Variants in TNRC6B observed in about 807,000 individuals in gnomAD.
TNRC6B encodes the protein trinucleotide repeat containing adaptor 6B, also known as trinucleotide repeat-containing gene 6B protein.
In TNRC6B, 52 loss-of-function variants were observed where a neutral mutation model predicts 203.6. The observed-to-expected ratio is 0.26, with a 90% CI of 0.20 to 0.32. The LOEUF is 0.32. Ranked by LOEUF, TNRC6B falls within the 10% of genes least tolerant of loss-of-function variation. The pLI, the probability that TNRC6B is intolerant of heterozygous loss-of-function variation, is 1.00. For synonymous variants in TNRC6B, 838 were observed against 845.7 expected, an observed-to-expected ratio of 0.99 and a Z score of 0.16; for missense variants, 1,923 against 2,286.2, an observed-to-expected ratio of 0.84 and a Z score of 3.24.
intron 3 of TNRC6B, among the ~76,000 whole-genome samples, chr22:40,260,677 G>A (rs1172535715): frequency 6.6e-6 from 1 of 152,192 alleles, no homozygotes; most frequent in African/African-American, 2.4e-5. Context: ...CTTGGACTGA[G>A]GCTTGAAACC....
chr22:40,239,350 T>C (rs1459449452), intron 1 of TNRC6B, among the ~76,000 whole-genome samples: 2 of 152,208 alleles, frequency 1.3e-5, no homozygotes, highest in African/African-American at 4.8e-5. Context: ...AAAGCAGCCA[T>C]GCCGCAGAAA....
At chr22:40,181,926 A>G (rs1182993151) in intron 1 of TNRC6B, among the ~76,000 whole-genome samples, 1 of 145,542 alleles carries the variant, frequency 6.9e-6, no homozygotes, top group Non-Finnish European at 1.5e-5. Context: ...AGCCTAGGAA[A>G]CAGCTAGACC....
At chr22:40,120,899 G>A (rs2068438121) in intron 2 of TNRC6B, among the ~76,000 whole-genome samples, 1 of 152,140 alleles carries the variant, frequency 6.6e-6, no homozygotes, top group Non-Finnish European at 1.5e-5. Flanking sequence ...CTTCTCGCCT[G>A]CCTCCTAGCC....
intron 3 of TNRC6B, among the ~76,000 whole-genome samples, chr22:40,257,135 ACTT>A: frequency 6.6e-6 from 1 of 152,222 alleles, no homozygotes. Flanking sequence ...TTTAACTACT[ACTT>A]TAAAAACATT....
chr22:40,278,802 T>G (rs1046661379), intron 9 of TNRC6B, among the ~76,000 whole-genome samples: 5 of 152,214 alleles, frequency 3.3e-5, no homozygotes, highest in East Asian at 1.9e-4. Context: ...TGCAGCAGCT[T>G]GATCTCTGCT....
intron 1 of TNRC6B, among the ~76,000 whole-genome samples, chr22:40,218,326 T>TTTC (rs2069663854): frequency 7.5e-6 from 1 of 132,948 alleles, no homozygotes; most frequent in East Asian, 2.2e-4. Flanking sequence ...TTTCTTTTCT[T>TTTC]TTTTTTTTTT....
chr22:40,254,487 T>G (rs967535045), intron 3 of TNRC6B, among the ~76,000 whole-genome samples: 2 of 152,134 alleles, frequency 1.3e-5, no homozygotes, highest in African/African-American at 4.8e-5. Flanking sequence ...GCCACTGTAC[T>G]CCAGCCTGGG....
intron 12 of TNRC6B, among the ~76,000 whole-genome samples, chr22:40,286,052 A>G (rs552578554): frequency 7.2e-4 from 109 of 152,352 alleles, no homozygotes; most frequent in African/African-American, 2.5e-3. Context: ...TTATTATTCT[A>G]TTCCTTTTAG....
intron 1 of TNRC6B, among the ~76,000 whole-genome samples, chr22:40,189,064 A>C (rs1433823595): frequency 6.6e-6 from 1 of 152,128 alleles, no homozygotes; most frequent in Non-Finnish European, 1.5e-5. Flanking sequence ...CTCAGTTATC[A>C]TATCAACCAG....
At chr22:40,160,547 C>T (rs2146357466) in intron 4 of TNRC6B, among the ~76,000 whole-genome samples, 1 of 150,562 alleles carries the variant, frequency 6.6e-6, no homozygotes, top group South Asian at 2.1e-4. Flanking sequence ...TTTTATTAAA[C>T]ATTCTTATTC....
intron 6 of TNRC6B, among the ~76,000 whole-genome samples, chr22:40,271,239 T>TA (rs1458422707): frequency 6.6e-6 from 1 of 152,262 alleles, no homozygotes; most frequent in Non-Finnish European, 1.5e-5. Context: ...TGTTTACACT[T>TA]ACTTTTGTAA....
chr22:40,240,293 TTTGCAC>T (rs1287078955), intron 1 of TNRC6B, among the ~76,000 whole-genome samples: 2 of 152,222 alleles, frequency 1.3e-5, no homozygotes, highest in African/African-American at 2.4e-5. Context: ...GATTATGGTG[TTTGCAC>T]TTGCTTTATC....
intron 4 of TNRC6B, among the ~76,000 whole-genome samples, chr22:40,158,864 C>G (rs9623142): frequency 0.045 from 6,790 of 152,180 alleles, 487 homozygotes; most frequent in African/African-American, 0.16. Context: ...AAAATATTTA[C>G]AAAACAAATT....
rs2071464851 is a variant in TNRC6B at position 40,331,470 on chromosome 22, G to A, written c.*8229G>A. 2.8e-6 allele frequency: 1 copy of A among 358,818 alleles called. No individual in the cohort carries two copies. 22.2% of individuals were successfully genotyped at this position (358,818 alleles called of 1,614,324 possible). On this transcript the variant is annotated 3_prime_UTR_variant, in exon 23 of 23. Coordinates refer to ENST00000454349, the MANE Select transcript of TNRC6B (RefSeq NM_001162501.2). ...AGGGCCATTTCCATGATTCCTCAGA[G>A]CTCCCCCAAAGAGGAGAACAGTCCC...
chr22:40,241,595 G>A (rs964003976), intron 1 of TNRC6B, among the ~76,000 whole-genome samples: 4 of 152,312 alleles, frequency 2.6e-5, no homozygotes, highest in East Asian at 1.9e-4. Context: ...TAGAATCAAT[G>A]CTGTGTTCTT....
At chr22:40,279,557 A>G (rs11089985) in intron 9 of TNRC6B, among the ~76,000 whole-genome samples, 47,678 of 152,062 alleles carry the variant, frequency 0.31, 8,230 homozygotes, top group South Asian at 0.46. Context: ...CCTTGTAACT[A>G]TGTTTCACCC....
intron 2 of TNRC6B, among the ~76,000 whole-genome samples, chr22:40,124,730 T>C (rs1773419655): frequency 6.6e-6 from 1 of 151,956 alleles, no homozygotes; most frequent in South Asian, 2.1e-4. Context: ...TATTCCTCAA[T>C]AGGGCCAGGA....
chr22:40,127,181 A>T (rs1038302433), intron 3 of TNRC6B, among the ~76,000 whole-genome samples: 1 of 152,158 alleles, frequency 6.6e-6, no homozygotes, highest in South Asian at 2.1e-4. Context: ...CTCTCTGTCC[A>T]TTCAGAATTG....
rs530606238 is a variant in TNRC6B at position 40,204,088 on chromosome 22, CAG to C, written c.5+25951_5+25952del. Among the ~76,000 whole-genome samples the C allele has an allele frequency of 1.4e-3, 220 of 152,308 alleles. 2 individuals are homozygous for C. Among genetic ancestry groups the C allele is most frequent in the East Asian group, 3.9e-4 (2 of 5,190 alleles). On this transcript the variant is annotated intron_variant, in intron 1 of 22. Coordinates refer to ENST00000454349, the MANE Select transcript of TNRC6B (RefSeq NM_001162501.2). ...GAGAAAGGAGAAACATTTTATAATG[CAG>C]AGTTTTGAGCAAAATACTTAACTCT...
Sources: gnomAD v4.1 joint callset for allele counts (sites outside exome capture counted in the v4.1 genomes callset) on GRCh38, gnomAD v4.1.1 for gene constraint, MANE v1.5 for transcripts, NCBI Gene and HGNC (gene_info 2026-07-23, HGNC 2026-07-21) for gene names.